TF: variants seen among roughly 807,000 people sequenced by gnomAD.
The protein encoded by TF is serotransferrin.
Under a neutral mutation model 82.4 loss-of-function variants are expected in TF, and 55 were observed. The ratio of observed to expected loss-of-function variants is 0.67; its 90% CI spans 0.54 to 0.84. The LOEUF (loss-of-function observed/expected upper bound fraction) is 0.84, where lower values mean the gene tolerates loss of function less well. Ranked by LOEUF, TF falls within the 40% of genes least tolerant of loss-of-function variation. The pLI, the probability that TF is intolerant of heterozygous loss-of-function variation, is 0.00. For synonymous variants in TF, 332 were observed against 332.6 expected (o/e 1.00, Z 0.02); for missense variants, 737 against 868.4 (o/e 0.85, Z 1.90).
chr3:133,775,065 A>T, intron 14 of TF: 1 of 345,844 alleles, frequency 2.9e-6, no homozygotes, highest in Non-Finnish European at 5.6e-6. Flanking sequence ...ACAGCACAGA[A>T]ATTGATCAAC....
chr3:133,692,232 A>G, the TF span, among the ~76,000 whole-genome samples: 1 of 151,946 alleles, frequency 6.6e-6, no homozygotes, highest in Non-Finnish European at 1.5e-5. Flanking sequence ...TGGTGAGGAG[A>G]GGTTTGGGGG....
the TF span, among the ~76,000 whole-genome samples, chr3:133,671,104 A>G: frequency 2.0e-5 from 3 of 152,252 alleles, no homozygotes; most frequent in African/African-American, 4.8e-5. Flanking sequence ...TCCAATAAAT[A>G]TATCAAGTAT....
chr3:133,790,879 A>G lies in TF; in HGVS notation c.*12259A>G, dbSNP rs1350555132. On this transcript the variant is annotated 3_prime_UTR_variant, in exon 17 of 17. Transcript: ENST00000402696. Reference sequence around the variant, plus strand: ...TACTGAATTGTGTATCAGGAACAAAATATTCATTATGTGGGTTTTGGGGGG... The same window carrying G: ...TACTGAATTGTGTATCAGGAACAAAGTATTCATTATGTGGGTTTTGGGGGG... 2 of 152,168 alleles carry G rather than the reference A, an allele frequency of 1.3e-5. No homozygotes were observed. Among genetic ancestry groups the G allele is most frequent in the Non-Finnish European group, 2.9e-5 (2 of 68,026 alleles). 9.4% of individuals were successfully genotyped at this position (152,168 alleles called of 1,614,324 possible).
At chr3:133,683,133 C>G in the TF span, among the ~76,000 whole-genome samples, 370 of 152,242 alleles carry the variant, frequency 2.4e-3, 1 homozygote, top group African/African-American at 8.4e-3. Context: ...AAATAAAATC[C>G]TTTACAGACA....
chr3:133,727,667 T>A, the TF span, among the ~76,000 whole-genome samples: 1 of 119,836 alleles, frequency 8.3e-6, no homozygotes, highest in Admixed American at 9.3e-5. Context: ...TTAAAGTTAA[T>A]ATTGTTATGT....
intron 2 of TF, among the ~76,000 whole-genome samples, chr3:133,749,949 G>A (rs1933613978): frequency 6.6e-6 from 1 of 152,168 alleles, no homozygotes; most frequent in South Asian, 2.1e-4. Context: ...GTAAATGTGA[G>A]GAGGCCAGCT....
At position 133,759,388 on chromosome 3, in the gene TF, A is replaced by T. The variant is rs987332482; in HGVS notation, c.1203+59A>T. The T allele has an allele frequency of 1.7e-5, 27 of 1,600,406 alleles. No homozygotes were observed. The Admixed American group carries it at 4.3e-4, about 26-fold the overall frequency. On this transcript the variant is annotated intron_variant, in intron 9 of 16. Transcript: ENST00000402696. Reference sequence around the variant, plus strand: ...CTGTCATTGCTGCCTGCTGGCCCCCAAGACTGAGCTAGGGAGTGTTCCTGG... The same window carrying T: ...CTGTCATTGCTGCCTGCTGGCCCCCTAGACTGAGCTAGGGAGTGTTCCTGG...
In TF at chr3:133,788,412, A is replaced by G. The variant is rs1041915403; in HGVS notation, c.*9792A>G. 6.6e-6 allele frequency: 1 copy of G among 152,246 alleles called. No homozygotes were observed. The highest frequency in any genetic ancestry group is 2.4e-5 in the African/African-American group (1 of 41,456). The allele number at this position is 152,246 out of a possible 1,614,324, so 9.4% of individuals were successfully genotyped here. On this transcript the variant is annotated 3_prime_UTR_variant, in exon 17 of 17. Coordinates refer to ENST00000402696, the MANE Select transcript of TF (RefSeq NM_001063.4). ...CTGTAACTGGGCTCTTGAGCCCCTAAGCACAGGCCTTCTCCCACCCTGTGG... is the reference window on the plus strand; with the variant it reads ...CTGTAACTGGGCTCTTGAGCCCCTAGGCACAGGCCTTCTCCCACCCTGTGG...
intron 9 of TF, among the ~76,000 whole-genome samples, chr3:133,759,933 A>T (rs1199221329): frequency 1.3e-5 from 2 of 152,182 alleles, no homozygotes; most frequent in African/African-American, 4.8e-5. Context: ...TAATTCAGAG[A>T]AAATTCCCTT....
the TF span, among the ~76,000 whole-genome samples, chr3:133,732,507 G>C: frequency 6.6e-6 from 1 of 152,198 alleles, no homozygotes; most frequent in Non-Finnish European, 1.5e-5. Context: ...AGAGCCAACA[G>C]CGGCAACCCA....
the TF span, among the ~76,000 whole-genome samples, chr3:133,692,591 G>T: frequency 4.6e-5 from 7 of 152,114 alleles, no homozygotes; most frequent in Non-Finnish European, 1.0e-4. Context: ...AGTGTTTATT[G>T]CCTTGAAAAG....
At chr3:133,684,776 C>T in the TF span, among the ~76,000 whole-genome samples, 2 of 152,134 alleles carry the variant, frequency 1.3e-5, no homozygotes, top group South Asian at 2.1e-4. Flanking sequence ...ACCAGAGGTA[C>T]GAAGAGGAGC....
At position 133,793,774 on chromosome 3, in the gene TF, T is replaced by C. The variant is rs1469355750; in HGVS notation, c.*15154T>C. 1 of 152,184 alleles carries C rather than the reference T, an allele frequency of 6.6e-6. No homozygotes were observed. Among genetic ancestry groups the C allele is most frequent in the African/African-American group, 2.4e-5 (1 of 41,458 alleles). The allele number at this position is 152,184 out of a possible 1,614,324, so 9.4% of individuals were successfully genotyped here. ...GCATGCAAAGTCCTAGAATATGGTGTCTTTTAGGAGATTCATGAAAGATTG... is the reference window on the plus strand; with the variant it reads ...GCATGCAAAGTCCTAGAATATGGTGCCTTTTAGGAGATTCATGAAAGATTG... On this transcript the variant is annotated 3_prime_UTR_variant, in exon 17 of 17. Coordinates refer to ENST00000402696, the MANE Select transcript of TF (RefSeq NM_001063.4).
In TF at chr3:133,779,126, A is replaced by G. The variant is rs370378813; in HGVS notation, c.*506A>G. 1 of 156,518 alleles carries G rather than the reference A, an allele frequency of 6.4e-6. No homozygotes were observed. The highest frequency in any genetic ancestry group is 1.4e-5 in the Non-Finnish European group (1 of 70,716). The allele number at this position is 156,518 out of a possible 1,614,324, so 9.7% of individuals were successfully genotyped here. A position where few individuals can be genotyped will look rare whatever the true frequency, so the allele number is the denominator to read the frequency against. ...AGTGAGTACAGAAAGACTACAGAAG[A>G]CTTACCTTTATTTGGTATTTTAAAT... On this transcript the variant is annotated 3_prime_UTR_variant, in exon 17 of 17. Coordinates refer to ENST00000402696, the MANE Select transcript of TF (RefSeq NM_001063.4).
the TF span, among the ~76,000 whole-genome samples, chr3:133,671,504 C>A: frequency 1.3e-5 from 2 of 151,950 alleles, no homozygotes; most frequent in Non-Finnish European, 2.9e-5. Flanking sequence ...GCAAGAGAGG[C>A]CAGGCATGGT....
chr3:133,736,169 A>G, the TF span, among the ~76,000 whole-genome samples: 20 of 152,342 alleles, frequency 1.3e-4, no homozygotes, highest in African/African-American at 2.6e-4. Flanking sequence ...TAAAGAAAGG[A>G]ATTTTCAACC....
At chr3:133,702,873 G>A in the TF span, among the ~76,000 whole-genome samples, 5 of 152,170 alleles carry the variant, frequency 3.3e-5, no homozygotes, top group Admixed American at 6.5e-5. Context: ...TGATGGTTAT[G>A]TAGTCTACTA....
chr3:133,750,782 A>G lies in TF; in HGVS notation c.216+2198A>G, dbSNP rs147912214. On this transcript the variant is annotated intron_variant, in intron 2 of 16. Transcript: ENST00000402696. The stretch of plus-strand genomic sequence containing the variant: ...TTGTTTGCTTCATTTTTTAAAAAAT[A>G]TATATATATTTTATTATACTTTAAG... 1.3e-4 allele frequency among the ~76,000 whole-genome samples: 19 copies of G among 151,972 alleles called. No homozygotes were observed. The East Asian group carries it at 3.7e-3, about 29-fold the overall frequency.
the TF span, among the ~76,000 whole-genome samples, chr3:133,725,450 C>G: frequency 6.6e-6 from 1 of 152,000 alleles, no homozygotes; most frequent in African/African-American, 2.4e-5. Flanking sequence ...TGATTTGGCT[C>G]TCTGTTTGTC....
Sources: gnomAD v4.1 joint callset for allele counts (sites outside exome capture counted in the v4.1 genomes callset) on GRCh38, gnomAD v4.1.1 for gene constraint, MANE v1.5 for transcripts, NCBI Gene and HGNC (gene_info 2026-07-23, HGNC 2026-07-21) for gene names.